Variants in MARCHF10 observed in about 807,000 individuals in gnomAD.
MARCHF10 encodes membrane associated ring-CH-type finger 10, also known as probable E3 ubiquitin-protein ligase MARCHF10.
MARCHF10 carries 64 observed loss-of-function variants against 76.2 expected under a neutral mutation model. The ratio of observed to expected loss-of-function variants is 0.84; its 90% CI spans 0.69 to 1.03. The LOEUF (loss-of-function observed/expected upper bound fraction) is 1.03, where lower values mean the gene tolerates loss of function less well. Among genes scored for constraint, MARCHF10 ranks in the 50% least tolerant of loss-of-function variants. MARCHF10 has a pLI of 0.00. For missense variants in MARCHF10, 875 were observed against 958.0 expected, an observed-to-expected ratio of 0.91 and a Z score of 1.14; for synonymous variants, 340 against 357.5, an observed-to-expected ratio of 0.95 and a Z score of 0.55.
chr17:62,732,079 TA>T (rs199919271), intron 6 of MARCHF10, among the ~76,000 whole-genome samples: 1,606 of 152,154 alleles, frequency 0.011, 14 homozygotes, highest in Non-Finnish European at 0.017. Flanking sequence ...AGGGATAAAT[TA>T]AATAAATGAC....
chr17:62,772,359 A>G (rs147745091), intron 3 of MARCHF10, among the ~76,000 whole-genome samples: 34 of 152,284 alleles, frequency 2.2e-4, no homozygotes, highest in African/African-American at 7.7e-4. Context: ...GGCCTCCCCA[A>G]CCATGTGGAA....
At chr17:62,800,776 A>G (rs2093058007) in intron 2 of MARCHF10, among the ~76,000 whole-genome samples, 1 of 152,214 alleles carries the variant, frequency 6.6e-6, no homozygotes, top group Non-Finnish European at 1.5e-5. Context: ...CCCACAACCT[A>G]GTCTGGCAAG....
intron 8 of MARCHF10, among the ~76,000 whole-genome samples, chr17:62,717,047 G>A (rs1051971947): frequency 3.3e-5 from 5 of 152,254 alleles, no homozygotes; most frequent in African/African-American, 9.6e-5. Flanking sequence ...GGCTCACCGC[G>A]CCTCGGGGAC....
At chr17:62,775,341 GCC>G (rs2092531602) in intron 3 of MARCHF10, among the ~76,000 whole-genome samples, 2 of 151,950 alleles carry the variant, frequency 1.3e-5, no homozygotes, top group African/African-American at 4.8e-5. Context: ...GCCCAGGCTG[GCC>G]TTGAACTCCC....
chr17:62,772,134 C>G (rs547121009), intron 3 of MARCHF10, among the ~76,000 whole-genome samples: 2 of 152,182 alleles, frequency 1.3e-5, no homozygotes, highest in Non-Finnish European at 2.9e-5. Context: ...CAAATCTCAT[C>G]TTGAATTGTA....
Position 62,738,032 on chromosome 17 carries a change from GCTAA to G in MARCHF10, c.536-704_536-701del, listed in dbSNP as rs909001244. On this transcript the variant is annotated intron_variant, in intron 5 of 10. Coordinates refer to ENST00000311269, the MANE Select transcript of MARCHF10 (RefSeq NM_152598.4). The surrounding 1 kb of genome is among the most constrained non-coding windows in gnomAD (Gnocchi z 4.0). ...GAATCACTGAACTGGCCAGAAGCAT[GCTAA>G]CTGTCTCTCTCTGTCTCTCTCTGTC... is the stretch of plus-strand genomic sequence containing the variant. 2 of 131,202 alleles carry G rather than the reference GCTAA, an allele frequency of 1.5e-5. No homozygotes were observed. Among genetic ancestry groups the G allele is most frequent in the Non-Finnish European group, 3.2e-5 (2 of 61,548 alleles). The allele number at this position is 131,202 out of a possible 1,614,324, so 8.1% of individuals were successfully genotyped here. A position where few individuals can be genotyped will look rare whatever the true frequency, so the allele number is the denominator to read the frequency against.
chr17:62,745,654 C>T (rs2091679190), intron 4 of MARCHF10, among the ~76,000 whole-genome samples: 1 of 152,212 alleles, frequency 6.6e-6, no homozygotes, highest in Non-Finnish European at 1.5e-5. Flanking sequence ...CCCCTACCCT[C>T]CACTGTGTTG....
intron 2 of MARCHF10, among the ~76,000 whole-genome samples, chr17:62,799,031 T>C (rs1006526011): frequency 6.6e-6 from 1 of 152,200 alleles, no homozygotes; most frequent in Non-Finnish European, 1.5e-5. Context: ...TGTGTGAGTG[T>C]GTGAAACCCG....
intron 1 of MARCHF10, among the ~76,000 whole-genome samples, chr17:62,804,228 G>A (rs1367944642): frequency 2.6e-5 from 4 of 152,160 alleles, no homozygotes; most frequent in East Asian, 1.9e-4. Context: ...ACAGCATGGC[G>A]TCACAAGTGT....
intron 6 of MARCHF10, among the ~76,000 whole-genome samples, chr17:62,731,533 G>A (rs892255412): frequency 1.3e-5 from 2 of 152,086 alleles, no homozygotes; most frequent in Admixed American, 1.3e-4. Context: ...CCAAAGTGCT[G>A]GGATTACAGG....
intron 2 of MARCHF10, among the ~76,000 whole-genome samples, chr17:62,794,019 C>T (rs1257686779): frequency 2.7e-5 from 4 of 150,860 alleles, no homozygotes; most frequent in Non-Finnish European, 1.5e-5. Flanking sequence ...ACCATCACCA[C>T]CATCACTACC....
chr17:62,793,817 CCAA>C (rs1328587566), intron 2 of MARCHF10, among the ~76,000 whole-genome samples: 5 of 150,082 alleles, frequency 3.3e-5, no homozygotes, highest in South Asian at 2.1e-4. Flanking sequence ...TCGACCACCA[CCAA>C]CACCTCCATC....
intron 8 of MARCHF10, among the ~76,000 whole-genome samples, chr17:62,717,044 C>T (rs148131315): frequency 5.9e-5 from 9 of 152,364 alleles, no homozygotes; most frequent in African/African-American, 1.7e-4. Flanking sequence ...GTGGGCTCAC[C>T]GCGCCTCGGG....
In MARCHF10 at chr17:62,743,305, C is replaced by T. The variant is rs57633388; in HGVS notation, c.535+1071G>A. Among the ~76,000 whole-genome samples, 454 of 152,314 alleles carry T rather than the reference C, an allele frequency of 3.0e-3. 2 individuals are homozygous for T. Among genetic ancestry groups the T allele is most frequent in the African/African-American group, 0.011 (437 of 41,576 alleles). On this transcript the variant is annotated intron_variant, in intron 5 of 10. Transcript: ENST00000311269. ...AGATTCCAAGCCATCAAAATACTAA[C>T]ACATTCTTCAATATGTATATATGTC...
Position 62,773,000 on chromosome 17 carries a change from G to A in MARCHF10, c.211-12994C>T, listed in dbSNP as rs556597198. ...TAAAAGTGGGTTCCTTTGAAAGCCC[G>A]TGTATCTCATTTTATGTTTTTGAAA... On this transcript the variant is annotated intron_variant, in intron 3 of 10. Coordinates refer to ENST00000311269, the MANE Select transcript of MARCHF10 (RefSeq NM_152598.4). Among the ~76,000 whole-genome samples the A allele has an allele frequency of 2.1e-4, 32 of 152,152 alleles. 1 individual carries two copies. Among genetic ancestry groups the A allele is most frequent in the Non-Finnish European group, 1.2e-4 (8 of 68,040 alleles).
chr17:62,744,286 G>C, intron 5 of MARCHF10, 90 bp downstream of exon 5: 5 of 1,369,178 alleles, frequency 3.7e-6, no homozygotes, highest in Non-Finnish European at 4.0e-6. Flanking sequence ...AAAAGTACAA[G>C]TATCTAAAAA....
intron 4 of MARCHF10, among the ~76,000 whole-genome samples, chr17:62,753,155 G>A (rs1568162667): frequency 1.3e-5 from 2 of 152,046 alleles, no homozygotes; most frequent in African/African-American, 2.4e-5. Context: ...GCTGGAGTGT[G>A]GAGTGCAGTC....
At chr17:62,790,173 A>G (rs148445458) in intron 2 of MARCHF10, among the ~76,000 whole-genome samples, 16 of 152,106 alleles carry the variant, frequency 1.1e-4, no homozygotes, top group African/African-American at 3.4e-4. Context: ...TCAAAATAGT[A>G]AAAGTTTTTT....
intron 5 of MARCHF10, among the ~76,000 whole-genome samples, chr17:62,742,382 A>G (rs370785047): frequency 1.3e-5 from 2 of 152,154 alleles, no homozygotes; most frequent in East Asian, 3.9e-4. Context: ...AGCTTTCTGC[A>G]TATTATCTCT....
Sources: allele counts gnomAD v4.1 joint callset (sites outside exome capture counted in the v4.1 genomes callset), GRCh38; gene constraint gnomAD v4.1.1; non-coding constraint Gnocchi (gnomAD v3.1); transcripts MANE v1.5; gene names NCBI Gene and HGNC (gene_info 2026-07-23, HGNC 2026-07-21).